The following PAPPA2 variants were observed in gnomAD, a reference collection of about 807,000 sequenced individuals.
PAPPA2 encodes the protein pappalysin 2, also known as pappalysin-2.
A neutral mutation model predicts 176.4 loss-of-function variants in PAPPA2; 86 were observed. The ratio of observed to expected loss-of-function variants is 0.49; its 90% confidence interval spans 0.41 to 0.58. PAPPA2 has a LOEUF of 0.58. Among genes scored for constraint, PAPPA2 ranks in the 20% least tolerant of loss-of-function variants. The probability of loss-of-function intolerance (pLI) is 0.00; values close to 1 mark genes in which losing one functional copy is unlikely to be tolerated. For missense variants in PAPPA2, 2,073 were observed against 2,256.9 expected (o/e 0.92, Z 1.65); for synonymous variants, 809 against 852.2 (o/e 0.95, Z 0.88).
intron 3 of PAPPA2, among the ~76,000 whole-genome samples, chr1:176,653,683 G>A (rs949448663): frequency 6.6e-6 from 1 of 151,342 alleles, no homozygotes; most frequent in Non-Finnish European, 1.5e-5. Flanking sequence ...TTCCTTTGTG[G>A]CTGAGATTCT....
chr1:176,492,108 A>G (rs1449492979), intron 1 of PAPPA2, among the ~76,000 whole-genome samples: 1 of 152,212 alleles, frequency 6.6e-6, no homozygotes, highest in African/African-American at 2.4e-5. Flanking sequence ...AGGATTTGCC[A>G]ATGACAAACA....
chr1:176,743,809 G>T lies in PAPPA2; in HGVS notation c.4151+3613G>T, dbSNP rs149677468. Among the ~76,000 whole-genome samples, 25 of 152,236 alleles carry T rather than the reference G, an allele frequency of 1.6e-4. No individual in the cohort carries two copies. The East Asian group carries it at 4.8e-3, about 29-fold the overall frequency. ...CATGTGGTTTCTCCTATCGAATTTT[G>T]TTCTTCCAATCACATGGATAAAATG... On this transcript the variant is annotated intron_variant, in intron 14 of 22. Coordinates refer to ENST00000367662, the MANE Select transcript of PAPPA2 (RefSeq NM_020318.3).
chr1:176,509,974 C>T (rs1309382594), intron 1 of PAPPA2, among the ~76,000 whole-genome samples: 1 of 152,048 alleles, frequency 6.6e-6, no homozygotes, highest in Non-Finnish European at 1.5e-5. Flanking sequence ...GTTGAGACTG[C>T]CATGAGTTGT....
chr1:176,568,621 G>A (rs1436761232), intron 2 of PAPPA2, among the ~76,000 whole-genome samples: 1 of 152,142 alleles, frequency 6.6e-6, no homozygotes, highest in Non-Finnish European at 1.5e-5. Context: ...TCCATTGCTT[G>A]TCCTGTTTTC....
intron 12 of PAPPA2, among the ~76,000 whole-genome samples, chr1:176,725,460 G>A (rs1661821697): frequency 6.6e-6 from 1 of 152,054 alleles, no homozygotes; most frequent in South Asian, 2.1e-4. Context: ...TGATATGGAG[G>A]GATCCAAAGA....
At chr1:176,582,699 G>C (rs560046905) in intron 2 of PAPPA2, among the ~76,000 whole-genome samples, 1 of 152,064 alleles carries the variant, frequency 6.6e-6, no homozygotes, top group Admixed American at 6.5e-5. Flanking sequence ...ATATTTATTG[G>C]ATATTGGTAG....
intron 20 of PAPPA2, among the ~76,000 whole-genome samples, chr1:176,798,906 T>C (rs971245542): frequency 6.6e-6 from 1 of 152,202 alleles, no homozygotes; most frequent in Non-Finnish European, 1.5e-5. Context: ...AGTTTTAGCT[T>C]TTAGCAGTAC....
At chr1:176,709,474 T>C (rs1661041061) in intron 10 of PAPPA2, among the ~76,000 whole-genome samples, 1 of 152,108 alleles carries the variant, frequency 6.6e-6, no homozygotes, top group East Asian at 1.9e-4. Flanking sequence ...GTAATAGCAG[T>C]CACGCAGTTG....
chr1:176,789,757 A>G (rs1367449760), intron 17 of PAPPA2, 52 bp from the exon 18 acceptor site: 2 of 1,554,374 alleles, frequency 1.3e-6, no homozygotes, highest in South Asian at 1.2e-5. Flanking sequence ...CAAGTCTTTC[A>G]TGACCTTCTT....
intron 1 of PAPPA2, among the ~76,000 whole-genome samples, chr1:176,472,736 G>A (rs1300884643): frequency 6.6e-6 from 1 of 152,026 alleles, no homozygotes; most frequent in Admixed American, 6.6e-5. Context: ...GTTTTTACAA[G>A]CATAACAGTT....
chr1:176,699,565 A>G lies in PAPPA2; in HGVS notation c.3212A>G (p.His1071Arg), dbSNP rs753988217. ...FASGLPVVVT[H>R]SHRKFTDVEV... ...AGTGGTTTGCCCGTGGTGGTGACAC[A>G]TTCTCACAGGAAGTTCACGGACGTG... is the stretch of plus-strand genomic sequence containing the variant. Residue 1071 changes from histidine (H) to arginine (R), a missense_variant, in exon 8 of 23, where the codon CAT (histidine) becomes CGT (arginine). By Grantham distance (29) the His-to-Arg change is conservative. Transcript: ENST00000367662. 2.5e-6 allele frequency: 4 copies of G among 1,607,074 alleles called. No individual in the cohort carries two copies. Among genetic ancestry groups the G allele is most frequent in the African/African-American group, 1.3e-5 (1 of 74,804 alleles).
chr1:176,702,016 T>G (rs1660670667), intron 8 of PAPPA2, among the ~76,000 whole-genome samples: 1 of 152,160 alleles, frequency 6.6e-6, no homozygotes, highest in Admixed American at 6.5e-5. Context: ...TTTAATAGAT[T>G]TGGAGGTGGG....
rs71299410 is a variant in PAPPA2, at chr1:176,716,602, CTTTTTTTT to C, written c.3798+4634_3798+4641del. On this transcript the variant is annotated intron_variant, in intron 12 of 22. Coordinates refer to ENST00000367662, the MANE Select transcript of PAPPA2 (RefSeq NM_020318.3). ...TCTAGATTACAACAATTCCTTCCTT[CTTTTTTTT>C]TTTTTTTTTTTTGTTTTTTGAGATG... Among the ~76,000 whole-genome samples, 29 of 114,830 alleles carry C rather than the reference CTTTTTTTT, an allele frequency of 2.5e-4. 1 individual carries two copies. In the East Asian group the frequency reaches 5.8e-3, roughly 23 times the overall value. 75.3% of individuals were successfully genotyped at this position (114,830 alleles called of 152,430 possible). A position where few individuals can be genotyped will look rare whatever the true frequency, so the allele number is the denominator to read the frequency against.
intron 15 of PAPPA2, among the ~76,000 whole-genome samples, chr1:176,767,987 A>G (rs1664055294): frequency 6.6e-6 from 1 of 152,224 alleles, no homozygotes; most frequent in Non-Finnish European, 1.5e-5. Flanking sequence ...GGGAAGGAGC[A>G]GCTAGCCAGG....
rs146463254 is a variant in PAPPA2 at position 176,694,627 on chromosome 1, G to C, written c.2625-1111G>C. Among the ~76,000 whole-genome samples the C allele has an allele frequency of 2.1e-3, 320 of 152,344 alleles. 2 individuals are homozygous for C. The highest frequency in any genetic ancestry group is 0.021 in the Middle Eastern group (6 of 292). On this transcript the variant is annotated intron_variant, in intron 6 of 22. Coordinates refer to ENST00000367662, the MANE Select transcript of PAPPA2 (RefSeq NM_020318.3). ...TCATTCACAAGTGGGCTTCTAAAAA[G>C]ATTCTAAGCATCAGAGGCAAGCCCC...
intron 3 of PAPPA2, among the ~76,000 whole-genome samples, chr1:176,640,639 G>C (rs1314364843): frequency 6.6e-6 from 1 of 151,876 alleles, no homozygotes; most frequent in African/African-American, 2.4e-5. Context: ...GAATAGTGCC[G>C]CAATAAATAT....
At chr1:176,727,276 AATTGTCAT>A (rs1451328141) in intron 12 of PAPPA2, among the ~76,000 whole-genome samples, 3 of 152,118 alleles carry the variant, frequency 2.0e-5, no homozygotes, top group Admixed American at 1.3e-4. Context: ...AAAAGGCAGA[AATTGTCAT>A]ATAAAAAGAA....
intron 3 of PAPPA2, among the ~76,000 whole-genome samples, chr1:176,606,476 C>CT (rs988585169): frequency 6.6e-6 from 1 of 152,108 alleles, no homozygotes; most frequent in African/African-American, 2.4e-5. Context: ...AGATGAGTTT[C>CT]TTTTTTTAGA....
rs1558479008 is a variant in PAPPA2 at position 176,623,611 on chromosome 1, C to CTTTT, written c.1991+28018_1991+28019insTTTT. On this transcript the variant is annotated intron_variant, in intron 3 of 22. Coordinates refer to ENST00000367662, the MANE Select transcript of PAPPA2 (RefSeq NM_020318.3). ...CCTTCCTTCCTTCCTTCCTTCCTTC[C>CTTTT]TTCCTTCCTTCCTTTTTTACTTTCT... Among the ~76,000 whole-genome samples the CTTTT allele has an allele frequency of 5.2e-3, 578 of 111,946 alleles. 6 individuals carry two copies. Among genetic ancestry groups the CTTTT allele is most frequent in the Middle Eastern group, 9.4e-3 (2 of 212 alleles). 73.4% of individuals were successfully genotyped at this position (111,946 alleles called of 152,430 possible).
Sources: gnomAD v4.1 joint callset for allele counts (sites outside exome capture counted in the v4.1 genomes callset) on GRCh38, gnomAD v4.1.1 for gene constraint, MANE v1.5 for transcripts, NCBI Gene and HGNC (gene_info 2026-07-23, HGNC 2026-07-21) for gene names.